NEGR1: variants seen among roughly 807,000 people sequenced by gnomAD.
NEGR1 encodes the protein IgLON family member 4.
In NEGR1, 10 loss-of-function variants were observed where a neutral mutation model predicts 40.9. The observed-to-expected ratio is 0.24, with a 90% confidence interval of 0.15 to 0.42. NEGR1 has a LOEUF of 0.42. Among genes scored for constraint, NEGR1 ranks in the 10% least tolerant of loss-of-function variants. The pLI, the probability that NEGR1 is intolerant of heterozygous loss-of-function variation, is 1.00. For synonymous variants in NEGR1, 185 were observed against 166.8 expected (o/e 1.11, Z -0.84); for missense variants, 352 against 438.9 (o/e 0.80, Z 1.77).
intron 6 of NEGR1, among the ~76,000 whole-genome samples, chr1:71,452,150 A>G (rs1021190273): frequency 6.6e-5 from 10 of 152,186 alleles, no homozygotes; most frequent in African/African-American, 2.4e-4. Flanking sequence ...ACACTCACAC[A>G]TATCCATTCA....
chr1:72,023,262 T>G (rs931421833), intron 1 of NEGR1, among the ~76,000 whole-genome samples: 5 of 152,158 alleles, frequency 3.3e-5, no homozygotes, highest in African/African-American at 1.2e-4. Flanking sequence ...ATTGTGGTGG[T>G]ATCGTACCCC....
At chr1:71,423,870 G>C (rs1349931401) in intron 6 of NEGR1, among the ~76,000 whole-genome samples, 2 of 128,514 alleles carry the variant, frequency 1.6e-5, no homozygotes, top group Non-Finnish European at 3.2e-5. Flanking sequence ...AGAACATTTT[G>C]AGTATAAAGA....
chr1:71,509,975 T>G (rs375751027), intron 6 of NEGR1, among the ~76,000 whole-genome samples: 1 of 152,178 alleles, frequency 6.6e-6, no homozygotes, highest in African/African-American at 2.4e-5. Flanking sequence ...AATGTTGCAC[T>G]TTCATTCTCA....
At chr1:71,905,132 A>G (rs1313502097) in intron 2 of NEGR1, among the ~76,000 whole-genome samples, 1 of 152,112 alleles carries the variant, frequency 6.6e-6, no homozygotes, top group Non-Finnish European at 1.5e-5. Flanking sequence ...GTTTTGGTTG[A>G]GATATCTGGA....
chr1:71,727,976 A>G (rs552658446), intron 3 of NEGR1, among the ~76,000 whole-genome samples: 112 of 152,272 alleles, frequency 7.4e-4, no homozygotes, highest in African/African-American at 2.5e-3. Context: ...GAGGCAACAA[A>G]GTTTGGCATA....
Position 72,021,038 on chromosome 1 carries a change from A to G in NEGR1, c.177-85727T>C, listed in dbSNP as rs1448000862. ...TTCCAAGAACCACTGAAACATTTAC[A>G]AAAACCTAACACATACTAAAAGTCC... On this transcript the variant is annotated intron_variant, in intron 1 of 6. Coordinates refer to ENST00000357731, the MANE Select transcript of NEGR1 (RefSeq NM_173808.3). Among the ~76,000 whole-genome samples, 9 of 152,218 alleles carry G rather than the reference A, an allele frequency of 5.9e-5. No individual in the cohort carries two copies. The East Asian group carries it at 1.7e-3, about 29-fold the overall frequency.
chr1:72,062,632 T>A lies in NEGR1; in HGVS notation c.177-127321A>T, dbSNP rs76201081. ...GATGAATTCCCAAAATACATGTGTA[T>A]CTTCCTATAGTCTGAGGGCTCTGTG... is the stretch of plus-strand genomic sequence containing the variant. On this transcript the variant is annotated intron_variant, in intron 1 of 6. Transcript: ENST00000357731. 3.5e-3 allele frequency among the ~76,000 whole-genome samples: 535 copies of A among 152,068 alleles called. 6 individuals are homozygous for A. Among genetic ancestry groups the A allele is most frequent in the African/African-American group, 0.012 (513 of 41,532 alleles).
At chr1:71,553,964 A>G (rs935802603) in intron 6 of NEGR1, among the ~76,000 whole-genome samples, 13 of 151,578 alleles carry the variant, frequency 8.6e-5, no homozygotes, top group Admixed American at 2.6e-4. Context: ...AAGAGTTAAT[A>G]GTAACTTAGG....
chr1:71,868,485 T>G (rs1237830781), intron 2 of NEGR1, among the ~76,000 whole-genome samples: 1 of 149,038 alleles, frequency 6.7e-6, no homozygotes, highest in African/African-American at 2.6e-5. Context: ...CATACATACA[T>G]ACATACATAC....
chr1:71,817,266 C>A (rs568257424), intron 2 of NEGR1, among the ~76,000 whole-genome samples: 1 of 152,154 alleles, frequency 6.6e-6, no homozygotes, highest in South Asian at 2.1e-4. Flanking sequence ...TTGTTCTCAG[C>A]CACCTGGCTC....
intron 2 of NEGR1, among the ~76,000 whole-genome samples, chr1:71,817,893 C>G (rs538883650): frequency 8.9e-4 from 136 of 152,098 alleles, no homozygotes; most frequent in Non-Finnish European, 1.7e-3. Flanking sequence ...TGAAATGCAG[C>G]TAGTTTAACC....
chr1:71,498,440 A>T (rs1453259127), intron 6 of NEGR1, among the ~76,000 whole-genome samples: 1 of 152,044 alleles, frequency 6.6e-6, no homozygotes, highest in Non-Finnish European at 1.5e-5. Context: ...AAGAAAAGGG[A>T]TGTACATATT....
At chr1:72,203,031 T>G (rs1160900205) in intron 1 of NEGR1, among the ~76,000 whole-genome samples, 1 of 152,048 alleles carries the variant, frequency 6.6e-6, no homozygotes, top group Non-Finnish European at 1.5e-5. Context: ...CCCAGAGTTC[T>G]GATGGAGATG....
chr1:72,184,274 G>A (rs1221706127), intron 1 of NEGR1, among the ~76,000 whole-genome samples: 2 of 152,108 alleles, frequency 1.3e-5, no homozygotes, highest in Non-Finnish European at 2.9e-5. Context: ...AGCAACAACA[G>A]CAACATTACT....
intron 1 of NEGR1, among the ~76,000 whole-genome samples, chr1:72,205,164 T>C (rs1252876954): frequency 6.6e-6 from 1 of 152,048 alleles, no homozygotes; most frequent in African/African-American, 2.4e-5. Context: ...ATTGCTAATA[T>C]GGAATTTAAA....
chr1:72,093,176 T>C (rs1648560892), intron 1 of NEGR1, among the ~76,000 whole-genome samples: 1 of 151,476 alleles, frequency 6.6e-6, no homozygotes, highest in Non-Finnish European at 1.5e-5. Flanking sequence ...TATAAAAATA[T>C]AAAAATTAGC....
At chr1:72,208,067 G>T (rs1653474163) in intron 1 of NEGR1, among the ~76,000 whole-genome samples, 1 of 151,540 alleles carries the variant, frequency 6.6e-6, no homozygotes, top group African/African-American at 2.4e-5. Flanking sequence ...AAGTTGATCG[G>T]TTTTTCCTCA....
At chr1:72,076,535 T>C (rs1213585691) in intron 1 of NEGR1, among the ~76,000 whole-genome samples, 1 of 114,928 alleles carries the variant, frequency 8.7e-6, no homozygotes, top group African/African-American at 3.3e-5. Context: ...ACCAACCTCA[T>C]TCTCAGATCT....
chr1:72,019,120 T>A (rs1646735705), intron 1 of NEGR1, among the ~76,000 whole-genome samples: 1 of 152,126 alleles, frequency 6.6e-6, no homozygotes, highest in East Asian at 1.9e-4. Context: ...TCAAGGATGA[T>A]TCTAGGATTA....
Sources: gnomAD v4.1 joint callset for allele counts (sites outside exome capture counted in the v4.1 genomes callset) on GRCh38, gnomAD v4.1.1 for gene constraint, MANE v1.5 for transcripts, NCBI Gene and HGNC (gene_info 2026-07-23, HGNC 2026-07-21) for gene names.